The following CSTPP1 variants were observed in gnomAD, a reference collection of about 807,000 sequenced individuals.
CSTPP1 encodes the protein UPF0705 protein C11orf49.
At chr11:47,070,554 G>A in the CSTPP1 span, among the ~76,000 whole-genome samples, 1 of 152,136 alleles carries the variant, frequency 6.6e-6, no homozygotes, top group Non-Finnish European at 1.5e-5. Flanking sequence ...TCAAGTTTGG[G>A]AAACATTAAG....
chr11:46,994,761 G>C, the CSTPP1 span, among the ~76,000 whole-genome samples: 1 of 150,152 alleles, frequency 6.7e-6, no homozygotes, highest in East Asian at 2.0e-4. Flanking sequence ...TCTCTGCCAG[G>C]CTTTGGTATC....
chr11:47,135,333 G>A, the CSTPP1 span, among the ~76,000 whole-genome samples: 3 of 152,092 alleles, frequency 2.0e-5, no homozygotes, highest in African/African-American at 7.2e-5. Flanking sequence ...GCATTTTACA[G>A]ATGAGAAACT....
chr11:47,047,407 A>G, the CSTPP1 span, among the ~76,000 whole-genome samples: 6 of 98,672 alleles, frequency 6.1e-5, no homozygotes, highest in Non-Finnish European at 1.4e-4. Context: ...AGACCACTGG[A>G]ATAGATTAGG....
the CSTPP1 span, among the ~76,000 whole-genome samples, chr11:47,065,977 T>TTGTGTGTGTGTGTGTGTG: frequency 0.026 from 3,812 of 146,012 alleles, 99 homozygotes; most frequent in African/African-American, 0.064. Context: ...GGTCTAACAG[T>TTGTGTGTGTGTGTGTGTG]TGTGTGTGTG....
chr11:46,947,733 G>A, the CSTPP1 span, among the ~76,000 whole-genome samples: 2 of 152,042 alleles, frequency 1.3e-5, no homozygotes, highest in African/African-American at 4.8e-5. Context: ...CTATTATCTA[G>A]CCCCGAGATT....
chr11:47,075,987 T>G, the CSTPP1 span, among the ~76,000 whole-genome samples: 11 of 127,764 alleles, frequency 8.6e-5, no homozygotes, highest in South Asian at 2.6e-3. Context: ...AAACTGGGAG[T>G]GAGAGGGGAG....
chr11:47,036,852 T>A, the CSTPP1 span, among the ~76,000 whole-genome samples: 30 of 125,290 alleles, frequency 2.4e-4, 7 homozygotes, highest in Admixed American at 6.9e-4. Context: ...TAATTTTTTT[T>A]ATTTTTCTTA....
At chr11:47,048,804 A>G in the CSTPP1 span, among the ~76,000 whole-genome samples, 2 of 152,208 alleles carry the variant, frequency 1.3e-5, no homozygotes, top group Admixed American at 6.5e-5. Flanking sequence ...TGAATTGTAC[A>G]GTTGCAAATG....
chr11:47,048,041 G>T, the CSTPP1 span, among the ~76,000 whole-genome samples: 3 of 152,320 alleles, frequency 2.0e-5, no homozygotes, highest in South Asian at 6.2e-4. Flanking sequence ...TGGAGCCCTT[G>T]TGCATTGCTA....
chr11:46,969,931 A>AT, the CSTPP1 span, among the ~76,000 whole-genome samples: 1 of 152,034 alleles, frequency 6.6e-6, no homozygotes, highest in African/African-American at 2.4e-5. Context: ...CACCCGACTA[A>AT]TTTTTTTGTA....
the CSTPP1 span, among the ~76,000 whole-genome samples, chr11:47,051,561 G>A: frequency 3.8e-4 from 57 of 151,976 alleles, no homozygotes; most frequent in African/African-American, 1.4e-3. Context: ...TTTGTCTCTG[G>A]GGTTATTGTC....
chr11:47,017,001 C>G, the CSTPP1 span, among the ~76,000 whole-genome samples: 1 of 149,960 alleles, frequency 6.7e-6, no homozygotes, highest in African/African-American at 2.4e-5. Context: ...CACCACCACG[C>G]CTGGCTAATT....
the CSTPP1 span, among the ~76,000 whole-genome samples, chr11:47,118,348 G>A: frequency 1.3e-5 from 2 of 152,062 alleles, no homozygotes; most frequent in Non-Finnish European, 2.9e-5. Context: ...TTAGCCATTT[G>A]ACTAATCTTT....
the CSTPP1 span, among the ~76,000 whole-genome samples, chr11:47,151,339 G>A: frequency 6.6e-6 from 1 of 152,012 alleles, no homozygotes; most frequent in African/African-American, 2.4e-5. Flanking sequence ...CTTGAACCTA[G>A]GGGGCGGAGG....
chr11:47,125,754 C>T, the CSTPP1 span, among the ~76,000 whole-genome samples: 7 of 152,244 alleles, frequency 4.6e-5, no homozygotes, highest in Admixed American at 6.5e-5. Context: ...CAGTGGCTCA[C>T]GCCTGTAATC....
the CSTPP1 span, among the ~76,000 whole-genome samples, chr11:47,131,757 A>T: frequency 1.3e-5 from 2 of 152,030 alleles, no homozygotes; most frequent in Admixed American, 6.6e-5. Flanking sequence ...CGGGTGGATC[A>T]CCTGAGGTCA....
chr11:47,133,617 G>A, the CSTPP1 span, among the ~76,000 whole-genome samples: 1 of 152,280 alleles, frequency 6.6e-6, no homozygotes, highest in East Asian at 1.9e-4. Flanking sequence ...TTTCAGACTC[G>A]GTTTCTTACA....
chr11:47,039,459 A>AGAGAGGGAGAGGGAGACCGTGGGGAGAGG, the CSTPP1 span, among the ~76,000 whole-genome samples: 2 of 126,302 alleles, frequency 1.6e-5, 1 homozygote, highest in Non-Finnish European at 3.7e-5. Context: ...GAGACCGTGG[A>AGAGAGGGAGAGGGAGACCGTGGGGAGAGG]GAGAGGGAGA....
the CSTPP1 span, among the ~76,000 whole-genome samples, chr11:47,046,067 G>A: frequency 6.6e-6 from 1 of 152,038 alleles, no homozygotes; most frequent in Non-Finnish European, 1.5e-5. Context: ...TTACAGGCGT[G>A]AGCCACCACT....
Sources: allele counts gnomAD v4.1 joint callset (sites outside exome capture counted in the v4.1 genomes callset), GRCh38; gene constraint gnomAD v4.1.1; transcripts MANE v1.5; gene names NCBI Gene and HGNC (gene_info 2026-07-23, HGNC 2026-07-21).